CARHSP1: variants seen among roughly 807,000 people sequenced by gnomAD.
The protein encoded by CARHSP1 is calcium regulated heat stable protein 1.
CARHSP1 carries 14 observed loss-of-function variants against 12.5 expected under a neutral mutation model. That is an observed-to-expected ratio of 1.12 (90% CI 0.74 to 1.75). CARHSP1 has a LOEUF of 1.75. Among genes scored for constraint, CARHSP1 ranks in the 40% most tolerant of loss-of-function variants. The probability of loss-of-function intolerance (pLI) is 0.00; values close to 1 mark genes in which losing one functional copy is unlikely to be tolerated. For missense variants in CARHSP1, 343 were observed against 201.6 expected (o/e 1.70, Z -4.25); for synonymous variants, 161 against 82.0 (o/e 1.96, Z -5.20).
Position 8,854,967 on chromosome 16 carries a change from C to G in CARHSP1, c.*197G>C. Reference sequence around the variant, plus strand: ...GATGGTGAGAGGTTGTTGCAATGGTCATAGGCTGTGCTGATGGCCGGGAAC... The same window carrying G: ...GATGGTGAGAGGTTGTTGCAATGGTGATAGGCTGTGCTGATGGCCGGGAAC... On this transcript the variant is annotated 3_prime_UTR_variant, in exon 4 of 4. Coordinates refer to ENST00000311052, the MANE Select transcript of CARHSP1 (RefSeq NM_014316.4). 2 of 475,508 alleles carry G rather than the reference C, an allele frequency of 4.2e-6. No individual in the cohort carries two copies. The highest frequency in any genetic ancestry group is 7.5e-6 in the Non-Finnish European group (2 of 267,532). 29.5% of individuals were successfully genotyped at this position (475,508 alleles called of 1,614,324 possible).
intron 3 of CARHSP1, 189 bp downstream of exon 3, chr16:8,858,161 G>A: frequency 1.5e-6 from 1 of 655,558 alleles, no homozygotes; most frequent in Non-Finnish European, 2.6e-6. Context: ...CAGCTCCGTA[G>A]AGTCTCACAA....
chr16:8,855,311 A>G lies in CARHSP1; in HGVS notation c.297T>C (p.Tyr99=), dbSNP rs2061062902. The part of the protein sequence containing the change: ...FLHISDVEGE[Y]VPVEGDEVTY... ...TGACCTCGTCGCCTTCCACTGGGACATACTCCCCTTCCACACTACGGGGGC... is the reference window on the plus strand; with the variant it reads ...TGACCTCGTCGCCTTCCACTGGGACGTACTCCCCTTCCACACTACGGGGGC... Residue 99 remains tyrosine (Y), a synonymous_variant, in exon 4 of 4, where the codon TAT becomes TAC. Coordinates refer to ENST00000311052, the MANE Select transcript of CARHSP1 (RefSeq NM_014316.4). The G allele has an allele frequency of 6.2e-7, 1 of 1,605,294 alleles. No homozygotes were observed. Among genetic ancestry groups the G allele is most frequent in the African/African-American group, 1.3e-5 (1 of 74,826 alleles).
At chr16:8,857,759 A>AT (rs71155409) in intron 3 of CARHSP1, 14,599 of 115,682 alleles carry the variant, frequency 0.13, 1,221 homozygotes, top group East Asian at 0.18. Flanking sequence ...CCTGCTCATT[A>AT]TTTTTTTTTT....
At chr16:8,866,954 G>A (rs2061465456) in intron 1 of CARHSP1, among the ~76,000 whole-genome samples, 1 of 152,116 alleles carries the variant, frequency 6.6e-6, no homozygotes, top group Admixed American at 6.5e-5. Context: ...CTGGGAAGAG[G>A]CCGGAAACCC....
chr16:8,856,987 C>T (rs993985427), intron 3 of CARHSP1, among the ~76,000 whole-genome samples: 4 of 152,154 alleles, frequency 2.6e-5, no homozygotes, highest in African/African-American at 9.7e-5. Flanking sequence ...AACTTCCTTC[C>T]TGGAGCAAAG....
chr16:8,857,942 T>C (rs2141089084), intron 3 of CARHSP1: 1 of 165,836 alleles, frequency 6.0e-6, no homozygotes, highest in East Asian at 1.7e-4. Flanking sequence ...TTTTTGTGTT[T>C]TTTTAGTAGA....
In CARHSP1 at chr16:8,855,053, A is replaced by C; in HGVS notation, c.*111T>G. On this transcript the variant is annotated 3_prime_UTR_variant, in exon 4 of 4. Coordinates refer to ENST00000311052, the MANE Select transcript of CARHSP1 (RefSeq NM_014316.4). ...CTCCAGGAGATACTTGAGAGGGACCATGCCCGGCTGAAGCCCCGTCTCGTG... is the reference window on the plus strand; with the variant it reads ...CTCCAGGAGATACTTGAGAGGGACCCTGCCCGGCTGAAGCCCCGTCTCGTG... The C allele has an allele frequency of 2.3e-6, 2 of 862,946 alleles. No individual in the cohort carries two copies. Among genetic ancestry groups the C allele is most frequent in the South Asian group, 2.3e-5 (1 of 42,828 alleles). The allele number at this position is 862,946 out of a possible 1,614,324, so 53.5% of individuals were successfully genotyped here.
Position 8,864,143 on chromosome 16 carries a change from A to T in CARHSP1, c.-7-4808T>A, listed in dbSNP as rs79974609. On this transcript the variant is annotated intron_variant, in intron 1 of 3. Transcript: ENST00000311052. The stretch of plus-strand genomic sequence containing the variant: ...CATGTGTGCTCGTTTGTGCACAGGT[A>T]TGTAGGTGTATGCACATGTGTATGT... Among the ~76,000 whole-genome samples, 7 of 152,354 alleles carry T rather than the reference A, an allele frequency of 4.6e-5. No homozygotes were observed. The East Asian group carries it at 1.3e-3, about 29-fold the overall frequency.
intron 3 of CARHSP1, among the ~76,000 whole-genome samples, chr16:8,857,283 T>TTG (rs2061161369): frequency 8.0e-6 from 1 of 125,532 alleles, no homozygotes; most frequent in Non-Finnish European, 1.7e-5. Flanking sequence ...TTTTTTTTTT[T>TTG]TTTTTTTTTT....
chr16:8,858,193 G>C (rs1044255929), intron 3 of CARHSP1, 157 bp downstream of exon 3: 26 of 858,886 alleles, frequency 3.0e-5, no homozygotes, highest in Middle Eastern at 3.6e-4. Context: ...CACACACACA[G>C]GAGCACAGCT....
chr16:8,865,490 A>G (rs2061439879), intron 1 of CARHSP1, among the ~76,000 whole-genome samples: 1 of 152,184 alleles, frequency 6.6e-6, no homozygotes, highest in Admixed American at 6.5e-5. Context: ...TTCAAGTCAG[A>G]CACCTCACTC....
chr16:8,866,965 G>C lies in CARHSP1; in HGVS notation c.-8+2001C>G, dbSNP rs1004540653. 4.6e-5 allele frequency among the ~76,000 whole-genome samples: 7 copies of C among 152,108 alleles called. No individual in the cohort carries two copies. The East Asian group carries it at 1.2e-3, about 25-fold the overall frequency. ...AGTGCTGGGAAGAGGCCGGAAACCC[G>C]AGGAGTGTACCGGGAACCCAAGGGG... On this transcript the variant is annotated intron_variant, in intron 1 of 3. Coordinates refer to ENST00000311052, the MANE Select transcript of CARHSP1 (RefSeq NM_014316.4).
rs1421219531 is a variant in CARHSP1 at position 8,854,662 on chromosome 16, G to A, written c.*502C>T. On this transcript the variant is annotated 3_prime_UTR_variant, in exon 4 of 4. Transcript: ENST00000311052. ...CTAGAACCAACCAAGCCAAGAATTA[G>A]AAAACTGCTTTGCCCAGGCCCCAGG... 1.3e-5 allele frequency: 2 copies of A among 152,230 alleles called. No homozygotes were observed. Among genetic ancestry groups the A allele is most frequent in the African/African-American group, 4.8e-5 (2 of 41,250 alleles). The allele number at this position is 152,230 out of a possible 1,614,324, so 9.4% of individuals were successfully genotyped here.
chr16:8,858,778 AGCATCC>A, intron 2 of CARHSP1: 1 of 440,600 alleles, frequency 2.3e-6, no homozygotes, highest in Non-Finnish European at 4.1e-6. Flanking sequence ...TAATAACACA[AGCATCC>A]TCCACTCGCA....
At chr16:8,863,468 G>A (rs1337443363) in intron 1 of CARHSP1, among the ~76,000 whole-genome samples, 1 of 152,234 alleles carries the variant, frequency 6.6e-6, no homozygotes, top group Non-Finnish European at 1.5e-5. Flanking sequence ...GGCTGCCACT[G>A]CATTGGTGTG....
At chr16:8,864,178 GTA>G (rs1299842430) in intron 1 of CARHSP1, among the ~76,000 whole-genome samples, 4 of 152,350 alleles carry the variant, frequency 2.6e-5, no homozygotes, top group South Asian at 2.1e-4. Flanking sequence ...TGTGTGCTGT[GTA>G]TATACGCATG....
chr16:8,857,271 T>TTTTTTTTTG (rs1567181142), intron 3 of CARHSP1, among the ~76,000 whole-genome samples: 2 of 26,194 alleles, frequency 7.6e-5, no homozygotes, highest in African/African-American at 2.6e-4. Flanking sequence ...CTGTTTTTTT[T>TTTTTTTTTG]TTTTTTTTTT....
intron 3 of CARHSP1, 104 bp downstream of exon 3, chr16:8,858,246 G>A (rs1046853270): frequency 1.5e-5 from 20 of 1,351,554 alleles, no homozygotes; most frequent in East Asian, 2.4e-5. Flanking sequence ...CCAGCCATTC[G>A]TCCTCACACC....
chr16:8,862,910 T>C (rs1367010199), intron 1 of CARHSP1, among the ~76,000 whole-genome samples: 2 of 152,028 alleles, frequency 1.3e-5, no homozygotes, highest in African/African-American at 4.8e-5. Context: ...AGACCCAAAA[T>C]GGGGGCCCCC....
Sources: gnomAD v4.1 joint callset for allele counts (sites outside exome capture counted in the v4.1 genomes callset) on GRCh38, gnomAD v4.1.1 for gene constraint, MANE v1.5 for transcripts, NCBI Gene and HGNC (gene_info 2026-07-23, HGNC 2026-07-21) for gene names.